DLGAP4: variants seen among roughly 807,000 people sequenced by gnomAD.
DLGAP4 encodes the protein DLG associated protein 4.
A neutral mutation model predicts 86.9 loss-of-function variants in DLGAP4; 18 were observed. The ratio of observed to expected loss-of-function variants is 0.21; its 90% CI spans 0.14 to 0.31. DLGAP4 has a LOEUF of 0.31. DLGAP4 is among the 10% of genes least tolerant of loss of function. The probability of loss-of-function intolerance (pLI) is 1.00; values close to 1 mark genes in which losing one functional copy is unlikely to be tolerated. For missense variants in DLGAP4, 1,085 were observed against 1,362.6 expected (o/e 0.80, Z 3.21); for synonymous variants, 548 against 574.3 (o/e 0.95, Z 0.65).
At chr20:36,466,641 C>G (rs1222685174) in intron 7 of DLGAP4, among the ~76,000 whole-genome samples, 1 of 152,236 alleles carries the variant, frequency 6.6e-6, no homozygotes, top group African/African-American at 2.4e-5. Context: ...ACAGACCCAC[C>G]CATTCTTAGA....
At chr20:36,515,740 C>T (rs879460924) in intron 10 of DLGAP4, among the ~76,000 whole-genome samples, 1 of 152,172 alleles carries the variant, frequency 6.6e-6, no homozygotes, top group Non-Finnish European at 1.5e-5. Context: ...TTCTGAGGTG[C>T]CTTTTTTCCT....
chr20:36,423,455 CAAAAAAAAAAAAAAAA>C (rs11434258), intron 2 of DLGAP4, among the ~76,000 whole-genome samples: 2 of 16,332 alleles, frequency 1.2e-4, no homozygotes, highest in Non-Finnish European at 2.1e-4. Context: ...GACTCCGTCT[CAAAAAAAAAAAAAAAA>C]AAAAAAAAAA....
chr20:36,497,332 C>T, intron 8 of DLGAP4: 1 of 1,328,508 alleles, frequency 7.5e-7, no homozygotes, highest in Non-Finnish European at 9.7e-7. Flanking sequence ...TTACACTCAG[C>T]CAGCCATCTC....
At chr20:36,494,662 C>T (rs2035804679) in intron 7 of DLGAP4, among the ~76,000 whole-genome samples, 1 of 152,118 alleles carries the variant, frequency 6.6e-6, no homozygotes, top group Non-Finnish European at 1.5e-5. Context: ...TGTAACCATC[C>T]CCACACTCAA....
chr20:36,414,632 G>A (rs1183175207), intron 2 of DLGAP4, among the ~76,000 whole-genome samples: 1 of 152,184 alleles, frequency 6.6e-6, no homozygotes, highest in Non-Finnish European at 1.5e-5. Flanking sequence ...AGTGGAGCGT[G>A]AGAGAGTTGG....
intron 2 of DLGAP4, among the ~76,000 whole-genome samples, chr20:36,420,350 G>A (rs1035232803): frequency 6.6e-6 from 1 of 152,172 alleles, no homozygotes; most frequent in Non-Finnish European, 1.5e-5. Flanking sequence ...GTCAGGGATC[G>A]CCTCTCAGTG....
chr20:36,358,191 T>C (rs1359551128), intron 1 of DLGAP4, among the ~76,000 whole-genome samples: 1 of 152,198 alleles, frequency 6.6e-6, no homozygotes, highest in African/African-American at 2.4e-5. Context: ...ACCTCCCCCA[T>C]GGGGCCACAG....
chr20:36,507,448 G>T (rs1334393139), intron 10 of DLGAP4, among the ~76,000 whole-genome samples: 1 of 152,092 alleles, frequency 6.6e-6, no homozygotes, highest in African/African-American at 2.4e-5. Flanking sequence ...GGCTGGTCTT[G>T]AACTCCTGAC....
intron 7 of DLGAP4, among the ~76,000 whole-genome samples, chr20:36,490,298 A>C (rs1046719709): frequency 6.6e-6 from 1 of 152,132 alleles, no homozygotes; most frequent in African/African-American, 2.4e-5. Context: ...AGCTGCTTGG[A>C]ATTCTCTTCC....
chr20:36,441,069 C>T (rs2033434014), intron 5 of DLGAP4, among the ~76,000 whole-genome samples: 1 of 152,082 alleles, frequency 6.6e-6, no homozygotes, highest in African/African-American at 2.4e-5. Context: ...CCTGAACAGC[C>T]GTCCTCCAAT....
chr20:36,351,673 GA>G, intron 1 of DLGAP4, among the ~76,000 whole-genome samples: 1 of 152,094 alleles, frequency 6.6e-6, no homozygotes, highest in Non-Finnish European at 1.5e-5. Context: ...CTCATCTGTG[GA>G]AAAACTATTT....
chr20:36,499,184 G>C, intron 8 of DLGAP4: 2 of 1,497,936 alleles, frequency 1.3e-6, no homozygotes, highest in East Asian at 2.3e-5. Context: ...GTGTGTGTGT[G>C]TGTGTTTTCT....
At chr20:36,501,064 C>CTTTTTTTTT (rs11480703) in intron 10 of DLGAP4, among the ~76,000 whole-genome samples, 1 of 138,132 alleles carries the variant, frequency 7.2e-6, no homozygotes, top group African/African-American at 2.8e-5. Flanking sequence ...CCTTCAACAA[C>CTTTTTTTTT]TTTTTTTTTT....
At chr20:36,490,653 GC>G (rs947860889) in intron 7 of DLGAP4, among the ~76,000 whole-genome samples, 10 of 152,120 alleles carry the variant, frequency 6.6e-5, no homozygotes, top group African/African-American at 2.4e-4. Flanking sequence ...GTTGTCTGTG[GC>G]CCCAGGGCAC....
intron 1 of DLGAP4, among the ~76,000 whole-genome samples, chr20:36,358,816 TA>T (rs1461255444): frequency 1.3e-5 from 2 of 151,380 alleles, no homozygotes; most frequent in African/African-American, 4.9e-5. Flanking sequence ...TCAAAAAAAA[TA>T]AAAAAAAGAA....
rs561526356 is a variant in DLGAP4 at position 36,457,166 on chromosome 20, G to A, written c.1648+10229G>A. ...GTGGCAGAGTGCAGGGAGGGGTGCC[G>A]AGGTATAAACAGGGTGGCTAGGGTA... On this transcript the variant is annotated intron_variant, in intron 7 of 12. Transcript: ENST00000339266. Among the ~76,000 whole-genome samples the A allele has an allele frequency of 3.9e-5, 6 of 152,126 alleles. No individual in the cohort carries two copies. The East Asian group carries it at 7.7e-4, about 20-fold the overall frequency.
intron 1 of DLGAP4, among the ~76,000 whole-genome samples, chr20:36,329,058 G>A (rs1479352874): frequency 6.6e-6 from 1 of 152,168 alleles, no homozygotes; most frequent in Admixed American, 6.5e-5. Context: ...ACAGGTGTGA[G>A]CCATCGCGCC....
At chr20:36,484,602 C>T (rs919241066) in intron 7 of DLGAP4, among the ~76,000 whole-genome samples, 4 of 152,262 alleles carry the variant, frequency 2.6e-5, no homozygotes, top group Non-Finnish European at 5.9e-5. Flanking sequence ...CCTGGCCTTC[C>T]GGCCAAAAGG....
rs2033766131 is a variant in DLGAP4 at position 36,452,559 on chromosome 20, A to C, written c.1648+5622A>C. On this transcript the variant is annotated intron_variant, in intron 7 of 12. Transcript: ENST00000339266. ...TAGACAGAGTCTTGCTCTGTTGTCCAGGCTGAAGTGCAGGATCTCAACTCA... is the reference window on the plus strand; with the variant it reads ...TAGACAGAGTCTTGCTCTGTTGTCCCGGCTGAAGTGCAGGATCTCAACTCA... 2.7e-5 allele frequency among the ~76,000 whole-genome samples: 4 copies of C among 145,890 alleles called. No homozygotes were observed. The South Asian group carries it at 8.6e-4, about 31-fold the overall frequency.
Sources: gnomAD v4.1 joint callset for allele counts (sites outside exome capture counted in the v4.1 genomes callset) on GRCh38, gnomAD v4.1.1 for gene constraint, MANE v1.5 for transcripts, NCBI Gene and HGNC (gene_info 2026-07-23, HGNC 2026-07-21) for gene names.